The following SHLD1 variants were observed in gnomAD, a reference collection of about 807,000 sequenced individuals.
The protein encoded by SHLD1 is shieldin complex subunit 1.
In SHLD1, 3 loss-of-function variants were observed where a neutral mutation model predicts 5.5. The ratio of observed to expected loss-of-function variants is 0.54; its 90% CI spans 0.25 to 1.40. The LOEUF (loss-of-function observed/expected upper bound fraction) is 1.40. Among genes scored for constraint, SHLD1 ranks in the 40% most tolerant of loss-of-function variants. SHLD1 has a pLI of 0.15. For missense variants in SHLD1, 210 were observed against 244.4 expected (o/e 0.86, Z 0.94); for synonymous variants, 92 against 94.3 (o/e 0.98, Z 0.14).
At chr20:5,761,629 A>G (rs778990801) in intron 1 of SHLD1, among the ~76,000 whole-genome samples, 38 of 141,500 alleles carry the variant, frequency 2.7e-4, no homozygotes, top group African/African-American at 9.8e-4. Flanking sequence ...TTTTTTTGAG[A>G]TGGAGGCTCA....
intron 2 of SHLD1, among the ~76,000 whole-genome samples, chr20:5,808,746 G>T (rs1188569392): frequency 1.3e-5 from 2 of 152,166 alleles, no homozygotes; most frequent in African/African-American, 4.8e-5. Context: ...GTCAAACTTG[G>T]TAACTATATT....
intron 1 of SHLD1, among the ~76,000 whole-genome samples, chr20:5,758,457 TGTC>T (rs1300904651): frequency 6.6e-6 from 1 of 151,612 alleles, no homozygotes; most frequent in Non-Finnish European, 1.5e-5. Context: ...CTCGCTCTGT[TGTC>T]CAGGCTGGAG....
At chr20:5,836,858 C>A (rs1444104429) in intron 2 of SHLD1, among the ~76,000 whole-genome samples, 1 of 152,144 alleles carries the variant, frequency 6.6e-6, no homozygotes, top group Non-Finnish European at 1.5e-5. Context: ...TGAGGAAATC[C>A]CCTATTACAA....
At chr20:5,765,383 C>G (rs1984771200) in intron 1 of SHLD1, among the ~76,000 whole-genome samples, 1 of 151,974 alleles carries the variant, frequency 6.6e-6, no homozygotes, top group Non-Finnish European at 1.5e-5. Flanking sequence ...GTAGCTGGGA[C>G]TACAGGTGCA....
rs375510808 is a variant in SHLD1, at chr20:5,772,956, C to T, written c.91C>T (p.Leu31=). 1.4e-4 allele frequency: 234 copies of T among 1,614,026 alleles called. No homozygotes were observed. Among genetic ancestry groups the T allele is most frequent in the Non-Finnish European group, 1.9e-4 (228 of 1,180,026 alleles). Residue 31 remains leucine (L), a synonymous_variant, in exon 2 of 3, where the codon CTG becomes TTG. Transcript: ENST00000303142. ...PSACDIRDYV[L]QGPSQEANSE... ...AGCGTGTGACATAAGAGATTACGTC[C>T]TGCAGGGACCCAGCCAAGAAGCCAA... is the stretch of plus-strand genomic sequence containing the variant.
chr20:5,784,149 TAAAA>T (rs11438574), intron 2 of SHLD1, among the ~76,000 whole-genome samples: 2 of 140,310 alleles, frequency 1.4e-5, no homozygotes, highest in African/African-American at 2.6e-5. Context: ...GAGACTGTCT[TAAAA>T]AAAAAAAAAA....
intron 2 of SHLD1, among the ~76,000 whole-genome samples, chr20:5,843,873 C>A (rs1035909008): frequency 2.0e-5 from 3 of 152,182 alleles, no homozygotes; most frequent in Admixed American, 6.5e-5. Context: ...TCACTTCTAG[C>A]CCTTAATAAC....
intron 1 of SHLD1, chr20:5,772,245 A>G (rs1985209234): frequency 9.1e-6 from 4 of 441,786 alleles, no homozygotes; most frequent in South Asian, 6.4e-5. Flanking sequence ...TGCTGGCATC[A>G]CTACTCTTGT....
At chr20:5,804,595 A>T (rs918172437) in intron 2 of SHLD1, among the ~76,000 whole-genome samples, 6 of 152,172 alleles carry the variant, frequency 3.9e-5, no homozygotes. Flanking sequence ...GTGCTCTAAA[A>T]ATTCCATTGC....
intron 2 of SHLD1, among the ~76,000 whole-genome samples, chr20:5,799,289 C>T (rs1339376245): frequency 1.3e-5 from 2 of 150,422 alleles, no homozygotes; most frequent in Non-Finnish European, 3.0e-5. Context: ...CGCTCTCTCT[C>T]TTTCTTGCTT....
chr20:5,784,355 A>G (rs527687834), intron 2 of SHLD1, among the ~76,000 whole-genome samples: 1 of 152,180 alleles, frequency 6.6e-6, no homozygotes, highest in South Asian at 2.1e-4. Context: ...ATAGTTCTCT[A>G]TAACTTTCGA....
At chr20:5,836,044 T>C (rs2087785142) in intron 2 of SHLD1, among the ~76,000 whole-genome samples, 2 of 152,156 alleles carry the variant, frequency 1.3e-5, no homozygotes, top group Non-Finnish European at 2.9e-5. Context: ...GTGGTTGAGA[T>C]AGAAACTATT....
chr20:5,796,438 G>T (rs192961039), intron 2 of SHLD1, among the ~76,000 whole-genome samples: 2 of 152,028 alleles, frequency 1.3e-5, no homozygotes, highest in African/African-American at 2.4e-5. Context: ...TATGTGAAAG[G>T]CACCCTATGG....
At chr20:5,750,603 G>C (rs933886306) in intron 1 of SHLD1, 124 bp downstream of exon 1, 21 of 151,940 alleles carry the variant, frequency 1.4e-4, no homozygotes, top group Admixed American at 1.4e-3. Context: ...AGGATTTCCT[G>C]CTAGCTCCCC....
At chr20:5,813,425 G>A (rs1206932658) in intron 2 of SHLD1, among the ~76,000 whole-genome samples, 1 of 152,132 alleles carries the variant, frequency 6.6e-6, no homozygotes, top group Non-Finnish European at 1.5e-5. Flanking sequence ...AGGAGGTGGA[G>A]GTGCAGTGAG....
chr20:5,809,377 C>A (rs2087426599), intron 2 of SHLD1, among the ~76,000 whole-genome samples: 2 of 152,000 alleles, frequency 1.3e-5, no homozygotes, highest in Admixed American at 6.6e-5. Context: ...AGAGTTAAAT[C>A]CTCATTTCCC....
At chr20:5,851,424 G>A (rs1051330093) in intron 2 of SHLD1, among the ~76,000 whole-genome samples, 1 of 151,466 alleles carries the variant, frequency 6.6e-6, no homozygotes, top group Non-Finnish European at 1.5e-5. Flanking sequence ...CTAGGACTTC[G>A]AGGCTACAGT....
chr20:5,776,015 C>T (rs529989841), intron 2 of SHLD1, among the ~76,000 whole-genome samples: 1 of 147,840 alleles, frequency 6.8e-6, no homozygotes, highest in East Asian at 2.0e-4. Context: ...GCAACCTCCA[C>T]CTCCCAGGTT....
intron 2 of SHLD1, among the ~76,000 whole-genome samples, chr20:5,807,230 C>G (rs529826408): frequency 6.6e-6 from 1 of 152,326 alleles, no homozygotes; most frequent in Admixed American, 6.5e-5. Flanking sequence ...TTCCTAACTT[C>G]TGAAAATTCC....
Sources: gnomAD v4.1 joint callset for allele counts (sites outside exome capture counted in the v4.1 genomes callset) on GRCh38, gnomAD v4.1.1 for gene constraint, MANE v1.5 for transcripts, NCBI Gene and HGNC (gene_info 2026-07-23, HGNC 2026-07-21) for gene names.